Variants in ABLIM1 observed in about 807,000 individuals in gnomAD.
ABLIM1 encodes actin-binding LIM protein 1.
In ABLIM1, 40 loss-of-function variants were observed where a neutral mutation model predicts 107.0. The observed-to-expected ratio is 0.37, with a 90% CI of 0.29 to 0.49. ABLIM1 has a LOEUF of 0.49. Ranked by LOEUF, ABLIM1 falls within the 20% of genes least tolerant of loss-of-function variation. The pLI, the probability that ABLIM1 is intolerant of heterozygous loss-of-function variation, is 0.97. For missense variants in ABLIM1, 857 were observed against 1,008.5 expected (o/e 0.85, Z 2.04); for synonymous variants, 357 against 357.3 (o/e 1.00, Z 0.01).
intron 1 of ABLIM1, among the ~76,000 whole-genome samples, chr10:114,718,547 G>A (rs1174523210): frequency 1.3e-5 from 2 of 152,176 alleles, no homozygotes; most frequent in Non-Finnish European, 2.9e-5. Context: ...TACCTCTGTA[G>A]AACAGCAATG....
the ABLIM1 span, among the ~76,000 whole-genome samples, chr10:114,787,757 A>T: frequency 3.8e-4 from 17 of 44,406 alleles, no homozygotes; most frequent in South Asian, 8.3e-4. Context: ...AGGTGAGGGG[A>T]GCCTCTGCCC....
chr10:114,450,150 T>C (rs1259499321), intron 14 of ABLIM1: 4 of 363,062 alleles, frequency 1.1e-5, no homozygotes, highest in Non-Finnish European at 2.2e-5. Context: ...CGCATTAGAA[T>C]TGGTGAAGTC....
chr10:114,779,750 T>A, the ABLIM1 span: 1 of 152,230 alleles, frequency 6.6e-6, no homozygotes, highest in African/African-American at 2.4e-5. Flanking sequence ...TAATATAGTT[T>A]AGGTAACCAT....
chr10:114,705,813 A>G (rs1162217452), intron 1 of ABLIM1, among the ~76,000 whole-genome samples: 1 of 152,230 alleles, frequency 6.6e-6, no homozygotes, highest in Admixed American at 6.5e-5. Context: ...ATAACAAAAA[A>G]TTTGAAATTT....
In ABLIM1 at chr10:114,436,505, T is replaced by C. The variant is rs1309679023; in HGVS notation, c.2224-132A>G. 2.0e-5 allele frequency: 13 copies of C among 652,516 alleles called. No homozygotes were observed. In the East Asian group the frequency reaches 3.5e-4, roughly 18 times the overall value. 40.4% of individuals were successfully genotyped at this position (652,516 alleles called of 1,614,324 possible). A position where few individuals can be genotyped will look rare whatever the true frequency, so the allele number is the denominator to read the frequency against. On this transcript the variant is annotated intron_variant, in intron 22 of 22. Transcript: ENST00000533213. The stretch of plus-strand genomic sequence containing the variant: ...CAGGAGGACGGGAGAGGAGCCCATC[T>C]TTAATGCTTGTGACATCAGTATCCC...
At chr10:114,576,547 A>AGTAAATT (rs2072585936) in intron 2 of ABLIM1, among the ~76,000 whole-genome samples, 1 of 152,172 alleles carries the variant, frequency 6.6e-6, no homozygotes, top group South Asian at 2.1e-4. Flanking sequence ...GAGTTCAATC[A>AGTAAATT]GTAAATTGCT....
rs1158947105 is a variant in ABLIM1, at chr10:114,644,329, A to ATATATATATATG, written c.244+13627_244+13628insCATATATATATA. 2.6e-5 allele frequency among the ~76,000 whole-genome samples: 3 copies of ATATATATATATG among 114,956 alleles called. No individual in the cohort carries two copies. In the South Asian group the frequency reaches 8.0e-4, roughly 31 times the overall value. The allele number at this position is 114,956 out of a possible 152,430, so 75.4% of individuals were successfully genotyped here. A position where few individuals can be genotyped will look rare whatever the true frequency, so the allele number is the denominator to read the frequency against. On this transcript the variant is annotated intron_variant, in intron 1 of 22. Coordinates refer to ENST00000533213, the MANE Select transcript of ABLIM1 (RefSeq NM_002313.7). Reference sequence around the variant, plus strand: ...AAAATATATATATATATATATATATATGTGTATATATTGTATATATACATA... The same window carrying ATATATATATATG: ...AAAATATATATATATATATATATATATATATATATATGTGTGTATATATTGTATATATACATA...
chr10:114,492,322 C>T (rs1347891536), intron 6 of ABLIM1, among the ~76,000 whole-genome samples: 1 of 152,090 alleles, frequency 6.6e-6, no homozygotes, highest in Admixed American at 6.5e-5. Context: ...AAAATCTACC[C>T]CAATGGCATC....
chr10:114,652,788 G>T (rs997076022), intron 1 of ABLIM1, among the ~76,000 whole-genome samples: 5 of 152,168 alleles, frequency 3.3e-5, no homozygotes, highest in Admixed American at 3.3e-4. Flanking sequence ...AGACCCAAAA[G>T]CTCCAAAGGA....
At chr10:114,535,921 G>A (rs571292363) in intron 6 of ABLIM1, among the ~76,000 whole-genome samples, 1 of 152,172 alleles carries the variant, frequency 6.6e-6, no homozygotes, top group Non-Finnish European at 1.5e-5. Flanking sequence ...GACTGACTTT[G>A]GGACTTAAGT....
chr10:114,606,824 G>A (rs1591551174), intron 1 of ABLIM1, among the ~76,000 whole-genome samples: 1 of 152,214 alleles, frequency 6.6e-6, no homozygotes, highest in East Asian at 1.9e-4. Flanking sequence ...CACCCAAGGT[G>A]GCGCAGCCAA....
intron 1 of ABLIM1, among the ~76,000 whole-genome samples, chr10:114,721,477 C>T (rs941788912): frequency 6.6e-6 from 1 of 151,682 alleles, no homozygotes; most frequent in Non-Finnish European, 1.5e-5. Flanking sequence ...TAGCTAAATG[C>T]CCTGAGCAGA....
intron 1 of ABLIM1, among the ~76,000 whole-genome samples, chr10:114,656,173 G>A (rs1591753453): frequency 6.6e-6 from 1 of 150,538 alleles, no homozygotes; most frequent in Admixed American, 6.7e-5. Flanking sequence ...GGGAGGCTGA[G>A]GCAGGAGAAT....
chr10:114,716,796 A>G (rs920874287), intron 1 of ABLIM1, among the ~76,000 whole-genome samples: 2 of 148,208 alleles, frequency 1.3e-5, no homozygotes, highest in African/African-American at 5.3e-5. Flanking sequence ...GCAGATGCCA[A>G]TTATGTATAA....
Position 114,579,123 on chromosome 10 carries a change from C to T in ABLIM1, c.380-3524G>A, listed in dbSNP as rs115663027. On this transcript the variant is annotated intron_variant, in intron 2 of 22. Coordinates refer to ENST00000533213, the MANE Select transcript of ABLIM1 (RefSeq NM_002313.7). ...TTCTTTGATCCATTCCCTCCTCTGCCTTCTTGCTATCACTACTCAAAACCT... is the reference window on the plus strand; with the variant it reads ...TTCTTTGATCCATTCCCTCCTCTGCTTTCTTGCTATCACTACTCAAAACCT... Among the ~76,000 whole-genome samples, 903 of 152,244 alleles carry T rather than the reference C, an allele frequency of 5.9e-3. 11 individuals carry two copies. Among genetic ancestry groups the T allele is most frequent in the African/African-American group, 0.021 (870 of 41,540 alleles).
At chr10:114,562,618 G>T (rs1197675310) in intron 4 of ABLIM1, among the ~76,000 whole-genome samples, 5 of 152,198 alleles carry the variant, frequency 3.3e-5, no homozygotes, top group Non-Finnish European at 7.3e-5. Flanking sequence ...TGTTAAGTAA[G>T]GGAAAACACT....
intron 8 of ABLIM1, chr10:114,485,397 G>A (rs1306809569): frequency 1.9e-6 from 3 of 1,599,326 alleles, no homozygotes; most frequent in Non-Finnish European, 2.6e-6. Flanking sequence ...TGAAACATGA[G>A]AAAAGGGAAG....
intron 1 of ABLIM1, among the ~76,000 whole-genome samples, chr10:114,738,525 A>T (rs1308033482): frequency 1.3e-5 from 2 of 152,216 alleles, no homozygotes; most frequent in Non-Finnish European, 2.9e-5. Context: ...CTAGTCATTC[A>T]ATTAAGGAGA....
intron 1 of ABLIM1, among the ~76,000 whole-genome samples, chr10:114,723,795 AG>A (rs79332387): frequency 0.15 from 22,069 of 152,198 alleles, 2,036 homozygotes; most frequent in East Asian, 0.45. Flanking sequence ...TTTATATTGT[AG>A]GTAACTAACT....
Sources: gnomAD v4.1 joint callset for allele counts (sites outside exome capture counted in the v4.1 genomes callset) on GRCh38, gnomAD v4.1.1 for gene constraint, MANE v1.5 for transcripts, NCBI Gene and HGNC (gene_info 2026-07-23, HGNC 2026-07-21) for gene names.